NEURL1: variants seen among roughly 807,000 people sequenced by gnomAD.
The protein encoded by NEURL1 is E3 ubiquitin-protein ligase NEURL1.
Under a neutral mutation model 41.2 loss-of-function variants are expected in NEURL1, and 26 were observed. The ratio of observed to expected loss-of-function variants is 0.63; its 90% CI spans 0.46 to 0.87. The LOEUF is 0.87. NEURL1 is among the 40% of genes least tolerant of loss of function. NEURL1 has a pLI of 0.00. For synonymous variants in NEURL1, 400 were observed against 402.3 expected, an observed-to-expected ratio of 0.99 and a Z score of 0.07; for missense variants, 761 against 871.1, an observed-to-expected ratio of 0.87 and a Z score of 1.59.
chr10:103,496,600 G>A (rs1486552524), intron 1 of NEURL1, among the ~76,000 whole-genome samples: 1 of 152,128 alleles, frequency 6.6e-6, no homozygotes, highest in East Asian at 1.9e-4. Flanking sequence ...TCAGAAATAA[G>A]CTATCAGTGT....
At position 103,493,772 on chromosome 10, in the gene NEURL1, G is replaced by C. The variant is rs1241073267; in HGVS notation, c.-616G>C. On this transcript the variant is annotated 5_prime_UTR_variant, in exon 1 of 6. Coordinates refer to ENST00000369780, the MANE Select transcript of NEURL1 (RefSeq NM_004210.5). ...GCGAGGGAATCCTGGAGACTGCCGG[G>C]GCGGGGGGCGGGGGCGGCGGTCGCA... Among the ~76,000 whole-genome samples, 2 of 151,970 alleles carry C rather than the reference G, an allele frequency of 1.3e-5. No individual in the cohort carries two copies. The highest frequency in any genetic ancestry group is 4.8e-5 in the African/African-American group (2 of 41,434).
intron 1 of NEURL1, among the ~76,000 whole-genome samples, chr10:103,500,035 T>G (rs1432697060): frequency 6.6e-6 from 1 of 152,152 alleles, no homozygotes; most frequent in Non-Finnish European, 1.5e-5. Flanking sequence ...GCTTGCAGAT[T>G]AGGTGAGCTC....
intron 1 of NEURL1, among the ~76,000 whole-genome samples, chr10:103,516,491 C>G (rs2034210299): frequency 6.6e-6 from 1 of 151,766 alleles, no homozygotes. Flanking sequence ...TTGGCAACTC[C>G]ATGTGTGAGC....
chr10:103,507,926 TGGCCATAAATCA>T (rs1161406436), intron 1 of NEURL1, among the ~76,000 whole-genome samples: 1 of 152,104 alleles, frequency 6.6e-6, no homozygotes, highest in Non-Finnish European at 1.5e-5. Flanking sequence ...CCCTGAAAGG[TGGCCATAAATCA>T]GCCGGGACAG....
chr10:103,588,736 G>A (rs1853842), intron 4 of NEURL1: 169,360 of 422,972 alleles, frequency 0.4, 35,626 homozygotes, highest in South Asian at 0.54. Flanking sequence ...ACGAGGTGAG[G>A]AGATGGAGAC....
chr10:103,583,926 T>G (rs2133884413), intron 3 of NEURL1, among the ~76,000 whole-genome samples: 1 of 152,192 alleles, frequency 6.6e-6, no homozygotes, highest in South Asian at 2.1e-4. Flanking sequence ...AACGATGAGT[T>G]TGATTCCCTG....
intron 5 of NEURL1, 107 bp downstream of exon 5, chr10:103,589,767 G>T: frequency 7.0e-7 from 1 of 1,434,648 alleles, no homozygotes. Context: ...GTTGGGCTCA[G>T]TAAACCCTTG....
intron 1 of NEURL1, among the ~76,000 whole-genome samples, chr10:103,534,969 G>A (rs1415958992): frequency 1.3e-5 from 2 of 152,164 alleles, no homozygotes; most frequent in African/African-American, 4.8e-5. Flanking sequence ...GTACTGGCCT[G>A]ACTCCTGGGA....
At chr10:103,547,299 G>A (rs953633780) in intron 1 of NEURL1, among the ~76,000 whole-genome samples, 4 of 152,248 alleles carry the variant, frequency 2.6e-5, no homozygotes, top group Non-Finnish European at 4.4e-5. Flanking sequence ...CACAGCACTG[G>A]GATCCAGCTG....
intron 1 of NEURL1, chr10:103,550,456 G>A (rs2035011592): frequency 6.6e-6 from 1 of 152,336 alleles, no homozygotes; most frequent in Admixed American, 6.5e-5. Flanking sequence ...CCTGCCTGCA[G>A]GCTTTGAGGT....
chr10:103,564,441 C>A (rs989550358), intron 1 of NEURL1, among the ~76,000 whole-genome samples: 1 of 152,164 alleles, frequency 6.6e-6, no homozygotes. Flanking sequence ...ACACGCCCCC[C>A]CCATTTTGAG....
At chr10:103,588,128 C>A (rs1322042771) in intron 4 of NEURL1, among the ~76,000 whole-genome samples, 2 of 151,874 alleles carry the variant, frequency 1.3e-5, no homozygotes, top group Non-Finnish European at 2.9e-5. Flanking sequence ...CATGATGAAA[C>A]CCCGTTTCTA....
At chr10:103,528,770 C>T (rs922878300) in intron 1 of NEURL1, among the ~76,000 whole-genome samples, 4 of 152,138 alleles carry the variant, frequency 2.6e-5, no homozygotes, top group African/African-American at 9.7e-5. Context: ...GTTTAGTTTG[C>T]AGTCACAGGT....
At chr10:103,528,534 C>CAAA (rs199861549) in intron 1 of NEURL1, among the ~76,000 whole-genome samples, 23 of 67,808 alleles carry the variant, frequency 3.4e-4, no homozygotes, top group African/African-American at 1.1e-3. Flanking sequence ...GACTCCGTCT[C>CAAA]AAAAAAAAAA....
At chr10:103,520,137 A>T (rs1007478912) in intron 1 of NEURL1, among the ~76,000 whole-genome samples, 4 of 152,218 alleles carry the variant, frequency 2.6e-5, no homozygotes, top group African/African-American at 9.7e-5. Flanking sequence ...AAGGTAACAT[A>T]TACTTTTAGG....
At chr10:103,564,005 C>T (rs567001362) in intron 1 of NEURL1, among the ~76,000 whole-genome samples, 11 of 152,242 alleles carry the variant, frequency 7.2e-5, no homozygotes, top group Admixed American at 5.9e-4. Context: ...GTGGTGAGCT[C>T]CCCCCCATCT....
intron 1 of NEURL1, among the ~76,000 whole-genome samples, chr10:103,526,126 A>T (rs1437311552): frequency 3.3e-5 from 5 of 152,150 alleles, no homozygotes; most frequent in African/African-American, 4.8e-5. Context: ...GTGCTGCTAA[A>T]TTTGGTTGAC....
At chr10:103,583,911 A>G (rs1241667641) in intron 3 of NEURL1, among the ~76,000 whole-genome samples, 3 of 152,042 alleles carry the variant, frequency 2.0e-5, no homozygotes, top group Non-Finnish European at 2.9e-5. Flanking sequence ...TATGATTTAA[A>G]AAAGAACGAT....
intron 1 of NEURL1, among the ~76,000 whole-genome samples, chr10:103,542,134 T>C (rs760259252): frequency 1.5e-4 from 23 of 152,162 alleles, no homozygotes; most frequent in Non-Finnish European, 1.2e-4. Flanking sequence ...AATGAAACCA[T>C]TGTGATTGGC....
Sources: allele counts gnomAD v4.1 joint callset (sites outside exome capture counted in the v4.1 genomes callset), GRCh38; gene constraint gnomAD v4.1.1; transcripts MANE v1.5; gene names NCBI Gene and HGNC (gene_info 2026-07-23, HGNC 2026-07-21).